Variants in TRPM2 observed in about 807,000 individuals in gnomAD.
TRPM2 encodes the protein transient receptor potential cation channel subfamily M member 2.
Under a neutral mutation model 174.0 loss-of-function variants are expected in TRPM2, and 161 were observed. The ratio of observed to expected loss-of-function variants is 0.93; its 90% CI spans 0.81 to 1.05. TRPM2 has a LOEUF of 1.05. TRPM2 is among the 50% of genes least tolerant of loss of function. The pLI is 0.00. For missense variants in TRPM2, 2,057 were observed against 2,038.0 expected, an observed-to-expected ratio of 1.01 and a Z score of -0.18; for synonymous variants, 954 against 861.3, an observed-to-expected ratio of 1.11 and a Z score of -1.88.
rs775573433 is a variant in TRPM2, at chr21:44,395,574, C to A, written c.1932+23C>A. The A allele has an allele frequency of 1.2e-5, 20 of 1,612,126 alleles. No homozygotes were observed. The Admixed American group carries it at 3.3e-4, about 27-fold the overall frequency. On this transcript the variant is annotated intron_variant, in intron 12 of 31. Coordinates refer to ENST00000397928, the MANE Select transcript of TRPM2 (RefSeq NM_003307.4). ...CAGGTAATAAGACTGGCTTCTCAGT[C>A]TCAGCAGACACAGCTATAGGCCAGC...
chr21:44,390,967 C>T lies in TRPM2; in HGVS notation c.1382C>T (p.Ala461Val). The T allele has an allele frequency of 6.2e-7, 1 of 1,614,102 alleles. No homozygotes were observed. The highest frequency in any genetic ancestry group is 8.5e-7 in the Non-Finnish European group (1 of 1,180,032). The change falls in exon 10 of 32, where the codon GCA becomes GTA. Residue 461 changes from alanine to valine, a missense_variant. Transcript: ENST00000397928. ...GACCACCAGCTGAAACTGGCAGTGG[C>T]ATGGAATCGCGTGGACATTGCCCGC... is the stretch of plus-strand genomic sequence containing the variant. The part of the protein sequence containing the change: ...NWDHQLKLAV[A>V]WNRVDIARSE...
intron 16 of TRPM2, 101 bp from the exon 17 acceptor site, chr21:44,405,041 C>T (rs548637048): frequency 1.3e-6 from 2 of 1,504,898 alleles, no homozygotes; most frequent in South Asian, 1.2e-5. Context: ...ATGATAGTGA[C>T]AGTGACTGTG....
Position 44,439,020 on chromosome 21 carries a change from C to A in TRPM2, c.4168-47C>A. ...GACGGGTGCCAGGGCAGCCTGAGGT[C>A]CCGCTTCGGTGCCCTGTTGACCTGC... is the stretch of plus-strand genomic sequence containing the variant. On this transcript the variant is annotated intron_variant, in intron 29 of 31. Transcript: ENST00000397928. The surrounding 1 kb of genome is among the most constrained non-coding windows in gnomAD (Gnocchi z 5.1). 1 of 1,537,086 alleles carries A rather than the reference C, an allele frequency of 6.5e-7. No homozygotes were observed. The highest frequency in any genetic ancestry group is 8.9e-7 in the Non-Finnish European group (1 of 1,119,530).
chr21:44,404,450 A>G (rs550765226), intron 16 of TRPM2, among the ~76,000 whole-genome samples: 2 of 152,332 alleles, frequency 1.3e-5, no homozygotes, highest in Admixed American at 1.3e-4. Flanking sequence ...ATGTACATAC[A>G]CATATATGCA....
chr21:44,402,345 G>C (rs895328110), intron 16 of TRPM2, among the ~76,000 whole-genome samples: 9 of 152,188 alleles, frequency 5.9e-5, no homozygotes, highest in Non-Finnish European at 1.3e-4. Context: ...AACCAGCCAG[G>C]GGGAGGGACG....
At chr21:44,386,258 ACCTGTAGGGCATGGTGGCGAGCG>A (rs2049012852) in intron 9 of TRPM2, among the ~76,000 whole-genome samples, 3 of 152,074 alleles carry the variant, frequency 2.0e-5, no homozygotes, top group Admixed American at 6.5e-5. Flanking sequence ...GGTGGCGAGC[ACCTGTAGGGCATGGTGGCGAGCG>A]CCTGTAGTCC....
At chr21:44,417,040 A>G (rs370656782) in intron 20 of TRPM2, among the ~76,000 whole-genome samples, 99 of 51,312 alleles carry the variant, frequency 1.9e-3, no homozygotes, top group African/African-American at 1.9e-3. Context: ...GCACGTGGGC[A>G]TGGCTCTGCT....
At position 44,366,764 on chromosome 21, in the gene TRPM2, T is replaced by C; in HGVS notation, c.434T>C (p.Val145Ala). The part of the protein sequence containing the change: ...LSQKVKKYVR[V>A]SQDTPSSVIY... ...TTCCCTTTCCCGCAGTACGTCCGAG[T>C]CTCCCAGGACACGCCCTCCAGCGTG... The change falls in exon 4 of 32, where the codon GTC (valine) becomes GCC (alanine). Residue 145 changes from valine (V) to alanine (A), a missense_variant. Val to Ala is a moderately conservative substitution (Grantham distance 64, BLOSUM62 0). Transcript: ENST00000397928. This position sits in a 1 kb window ranked among gnomAD's most constrained non-coding sequence, Gnocchi z 6.0. The C allele has an allele frequency of 6.2e-7, 1 of 1,613,228 alleles. No individual in the cohort carries two copies.
chr21:44,423,820 G>A lies in TRPM2; in HGVS notation c.3549+88G>A. ...CCATGTGGTGGCACCAAGAAGGAGG[G>A]CTCTGAGGAGTGATGGTGAGGAGGA... is the stretch of plus-strand genomic sequence containing the variant. On this transcript the variant is annotated intron_variant, in intron 23 of 31. Coordinates refer to ENST00000397928, the MANE Select transcript of TRPM2 (RefSeq NM_003307.4). 2.8e-6 allele frequency: 3 copies of A among 1,062,410 alleles called. 1 individual carries two copies. Among genetic ancestry groups the A allele is most frequent in the Non-Finnish European group, 4.0e-6 (3 of 741,132 alleles). The allele number at this position is 1,062,410 out of a possible 1,614,324, so 65.8% of individuals were successfully genotyped here. A position where few individuals can be genotyped will look rare whatever the true frequency, so the allele number is the denominator to read the frequency against.
chr21:44,406,462 C>G (rs2049879909), intron 18 of TRPM2, 132 bp from the exon 19 acceptor site: 2 of 1,159,980 alleles, frequency 1.7e-6, no homozygotes, highest in Admixed American at 5.4e-5. Flanking sequence ...CAGGACTGCT[C>G]CTGGGAGCCT....
chr21:44,436,082 C>T (rs2051254223), intron 28 of TRPM2, among the ~76,000 whole-genome samples: 1 of 152,066 alleles, frequency 6.6e-6, no homozygotes, highest in Admixed American at 6.5e-5. Flanking sequence ...CCTCCACACC[C>T]ATTCACACAC....
At position 44,435,363 on chromosome 21, in the gene TRPM2, G is replaced by T. The variant is rs578170971; in HGVS notation, c.4061+146G>T. The T allele has an allele frequency of 1.1e-4, 90 of 785,824 alleles. No individual in the cohort carries two copies. The African/African-American group carries it at 1.4e-3, about 12-fold the overall frequency. The allele number at this position is 785,824 out of a possible 1,614,324, so 48.7% of individuals were successfully genotyped here. On this transcript the variant is annotated intron_variant, in intron 28 of 31. Transcript: ENST00000397928. The stretch of plus-strand genomic sequence containing the variant: ...GGTGCCTACTGGGGGGATGCGGGAG[G>T]CGTCTGTGGATAAACGTGAATATGC...
At chr21:44,358,807 G>T (rs923697420) in intron 2 of TRPM2, among the ~76,000 whole-genome samples, 10 of 152,168 alleles carry the variant, frequency 6.6e-5, no homozygotes, top group African/African-American at 2.4e-4. Flanking sequence ...CCTTCCCGGG[G>T]GTCTTGGTCT....
At chr21:44,425,503 C>A in intron 24 of TRPM2, 167 bp from the exon 25 acceptor site, 1 of 765,284 alleles carries the variant, frequency 1.3e-6, no homozygotes, top group Non-Finnish European at 1.9e-6. Flanking sequence ...TCCCTGGGGG[C>A]CCTGCCCACT....
intron 22 of TRPM2, among the ~76,000 whole-genome samples, chr21:44,421,042 G>A (rs938715445): frequency 3.3e-5 from 5 of 152,084 alleles, no homozygotes; most frequent in African/African-American, 9.7e-5. Context: ...GTCCCAGGCC[G>A]GGCGCGGTGG....
In TRPM2 at chr21:44,356,070, C is replaced by T. The variant is rs185009738; in HGVS notation, c.254+1334C>T. ...AAAAAATTTGTATTTTTGGGCCGGGCGCGGTGGCTCACGCCTGTAATCCCA... is the reference window on the plus strand; with the variant it reads ...AAAAAATTTGTATTTTTGGGCCGGGTGCGGTGGCTCACGCCTGTAATCCCA... On this transcript the variant is annotated intron_variant, in intron 2 of 31. Transcript: ENST00000397928. Among the ~76,000 whole-genome samples the T allele has an allele frequency of 4.9e-3, 696 of 141,058 alleles. 9 individuals carry two copies. The highest frequency in any genetic ancestry group is 0.016 in the African/African-American group (606 of 38,536). 92.5% of individuals were successfully genotyped at this position (141,058 alleles called of 152,430 possible).
intron 22 of TRPM2, chr21:44,422,384 C>T (rs1485615058): frequency 5.9e-6 from 9 of 1,535,988 alleles, no homozygotes; most frequent in South Asian, 3.6e-5. Flanking sequence ...TAACCACCCT[C>T]GCATGTTTGC....
At chr21:44,355,093 A>G (rs532824282) in intron 2 of TRPM2, among the ~76,000 whole-genome samples, 1 of 152,218 alleles carries the variant, frequency 6.6e-6, no homozygotes, top group Admixed American at 6.5e-5. Flanking sequence ...AGAGAGTCCC[A>G]GGGTCCAGGA....
intron 8 of TRPM2, among the ~76,000 whole-genome samples, chr21:44,381,519 T>A (rs2048878537): frequency 7.4e-6 from 1 of 135,200 alleles, no homozygotes; most frequent in South Asian, 2.4e-4. Context: ...GTGGGCCATG[T>A]GGATGGATGG....
Sources: gnomAD v4.1 joint callset for allele counts (sites outside exome capture counted in the v4.1 genomes callset) on GRCh38, gnomAD v4.1.1 for gene constraint, Gnocchi (gnomAD v3.1) non-coding constraint, MANE v1.5 for transcripts, NCBI Gene and HGNC (gene_info 2026-07-23, HGNC 2026-07-21) for gene names.